Variants in ANK1 observed in about 807,000 individuals in gnomAD.
ANK1 encodes ankyrin-1.
ANK1 carries 51 observed loss-of-function variants against 210.4 expected under a neutral mutation model. The observed-to-expected ratio is 0.24, with a 90% CI of 0.19 to 0.31. The LOEUF is 0.31. ANK1 is among the 10% of genes least tolerant of loss of function. The pLI, the probability that ANK1 is intolerant of heterozygous loss-of-function variation, is 1.00. For missense variants in ANK1, 2,051 were observed against 2,504.4 expected (o/e 0.82, Z 3.86); for synonymous variants, 967 against 1,025.9 (o/e 0.94, Z 1.10).
chr8:41,827,826 C>T (rs1805717279), intron 1 of ANK1, among the ~76,000 whole-genome samples: 1 of 151,892 alleles, frequency 6.6e-6, no homozygotes, highest in African/African-American at 2.4e-5. Context: ...CATACACACA[C>T]GCACTCACAC....
chr8:41,685,207 G>A (rs911426835), intron 36 of ANK1, among the ~76,000 whole-genome samples: 3 of 152,214 alleles, frequency 2.0e-5, no homozygotes, highest in Admixed American at 6.5e-5. Context: ...GGGATTATAG[G>A]CATGAGCCAC....
At chr8:41,738,838 G>T (rs1260417490) in intron 2 of ANK1, among the ~76,000 whole-genome samples, 31 of 152,212 alleles carry the variant, frequency 2.0e-4, no homozygotes, top group Non-Finnish European at 2.9e-5. Context: ...AAGCCAAATG[G>T]CAGACAGGCT....
chr8:41,851,180 T>TCAATTTTATTAACCA (rs1811163028), intron 1 of ANK1, among the ~76,000 whole-genome samples: 3 of 152,174 alleles, frequency 2.0e-5, no homozygotes, highest in African/African-American at 7.2e-5. Flanking sequence ...GACCAAATCA[T>TCAATTTTATTAACCA]GATCAATATT....
chr8:41,803,174 G>A (rs1850429324), intron 1 of ANK1, among the ~76,000 whole-genome samples: 1 of 150,884 alleles, frequency 6.6e-6, no homozygotes, highest in South Asian at 2.1e-4. Flanking sequence ...AAAAAGAGAG[G>A]GAGGGAGAGA....
chr8:41,869,176 C>T (rs1198132279), intron 1 of ANK1, among the ~76,000 whole-genome samples: 1 of 151,294 alleles, frequency 6.6e-6, no homozygotes, highest in Non-Finnish European at 1.5e-5. Flanking sequence ...TCCCTAATCC[C>T]TAAAACTGCG....
At chr8:41,881,066 G>C (rs927274212) in intron 1 of ANK1, among the ~76,000 whole-genome samples, 3 of 152,242 alleles carry the variant, frequency 2.0e-5, no homozygotes, top group Non-Finnish European at 4.4e-5. Context: ...TCTAGTGCTT[G>C]CTTGGCCACT....
intron 1 of ANK1, among the ~76,000 whole-genome samples, chr8:41,814,646 T>A (rs1047807618): frequency 9.2e-5 from 14 of 152,222 alleles, no homozygotes; most frequent in Admixed American, 7.8e-4. Flanking sequence ...AAAGATCGGA[T>A]GAGATTTCAT....
rs1586428690 is a variant in ANK1, at chr8:41,719,766, G to T, written c.1002C>A (p.Ile334=). ...GGAGTGGGGTCAGGTGGTCCAGGGT[G>T]ATGTCGTCTATCTCTGCGTCGTATT... The part of the protein sequence containing the change: ...LLQYDAEIDD[I]TLDHLTPLHV... The change falls in exon 10 of 43, where the codon ATC becomes ATA. Residue 334 remains isoleucine, a synonymous_variant. Coordinates refer to ENST00000289734, the MANE Select transcript of ANK1 (RefSeq NM_000037.4). 1 of 1,614,108 alleles carries T rather than the reference G, an allele frequency of 6.2e-7. No homozygotes were observed. The highest frequency in any genetic ancestry group is 1.1e-5 in the South Asian group (1 of 91,084).
chr8:41,865,631 T>A (rs999582403), intron 1 of ANK1, among the ~76,000 whole-genome samples: 1 of 151,796 alleles, frequency 6.6e-6, no homozygotes, highest in African/African-American at 2.4e-5. Context: ...TTCTCTCCCC[T>A]CCTTTCCACA....
At chr8:41,775,802 G>A (rs13259410) in intron 1 of ANK1, among the ~76,000 whole-genome samples, 40,974 of 151,982 alleles carry the variant, frequency 0.27, 5,843 homozygotes, top group Non-Finnish European at 0.31. Context: ...TGGGAGAATC[G>A]CTTGAGGCCA....
chr8:41,703,450 A>ATATATATAT (rs59985416), intron 20 of ANK1, among the ~76,000 whole-genome samples: 1,336 of 58,734 alleles, frequency 0.023, 40 homozygotes, highest in East Asian at 0.035. Context: ...ATATATATAT[A>ATATATATAT]TTTTTTTTTT....
At chr8:41,801,108 C>T (rs1328475306), upstream of ANK1, among the ~76,000 whole-genome samples, 1 of 152,120 alleles carries the variant, frequency 6.6e-6, no homozygotes, top group African/African-American at 2.4e-5. Context: ...GCAAATAGTA[C>T]ACAATATTTA....
intron 1 of ANK1, among the ~76,000 whole-genome samples, chr8:41,858,022 G>A (rs1220349979): frequency 1.3e-5 from 2 of 152,192 alleles, no homozygotes; most frequent in African/African-American, 4.8e-5. Flanking sequence ...CAGCCCAGGA[G>A]TTTGAGGCCA....
intron 2 of ANK1, among the ~76,000 whole-genome samples, chr8:41,737,679 C>T (rs1340067911): frequency 6.6e-6 from 1 of 152,192 alleles, no homozygotes; most frequent in Non-Finnish European, 1.5e-5. Context: ...CATAGTCACC[C>T]TAAATCACTT....
intron 15 of ANK1, among the ~76,000 whole-genome samples, chr8:41,714,552 C>G (rs1036521347): frequency 3.9e-5 from 6 of 152,174 alleles, no homozygotes; most frequent in Non-Finnish European, 7.3e-5. Flanking sequence ...CATTCTCTCT[C>G]GATGGCTACC....
Position 41,719,807 on chromosome 8 carries a change from C to G in ANK1, c.961G>C (p.Val321Leu). 1 of 1,614,230 alleles carries G rather than the reference C, an allele frequency of 6.2e-7. No individual in the cohort carries two copies. The highest frequency in any genetic ancestry group is 8.5e-7 in the Non-Finnish European group (1 of 1,180,048). Residue 321 changes from valine (V) to leucine (L), a missense_variant, in exon 10 of 43, where the codon GTC (valine) becomes CTC (leucine). Coordinates refer to ENST00000289734, the MANE Select transcript of ANK1 (RefSeq NM_000037.4). ...GCGTCGTATTGCAACAGGAGCCGGACACAGTCGAGGTGGTCTCCCTGAGCC... is the reference window on the plus strand; with the variant it reads ...GCGTCGTATTGCAACAGGAGCCGGAGACAGTCGAGGTGGTCTCCCTGAGCC... ...MAAQGDHLDC[V>L]RLLLQYDAEI...
intron 2 of ANK1, among the ~76,000 whole-genome samples, chr8:41,753,602 T>A (rs998257402): frequency 6.6e-6 from 1 of 152,174 alleles, no homozygotes; most frequent in African/African-American, 2.4e-5. Flanking sequence ...ATGTACTGCA[T>A]GACACTGAGG....
chr8:41,674,145 C>T (rs575640524), intron 37 of ANK1, among the ~76,000 whole-genome samples: 5 of 152,224 alleles, frequency 3.3e-5, no homozygotes, highest in South Asian at 4.2e-4. Context: ...CCTCAGCCTC[C>T]GCTCGGGGCC....
chr8:41,714,886 G>T, intron 15 of ANK1, 90 bp downstream of exon 15: 1 of 1,315,792 alleles, frequency 7.6e-7, no homozygotes, highest in Non-Finnish European at 1.1e-6. Flanking sequence ...AACAACACAG[G>T]CAAGAGATGG....
Sources: gnomAD v4.1 joint callset for allele counts (sites outside exome capture counted in the v4.1 genomes callset) on GRCh38, gnomAD v4.1.1 for gene constraint, MANE v1.5 for transcripts, NCBI Gene and HGNC (gene_info 2026-07-23, HGNC 2026-07-21) for gene names.